EXT1: variants seen among roughly 807,000 people sequenced by gnomAD.
The protein encoded by EXT1 is exostosin glycosyltransferase 1, also known as exostosin-1.
In EXT1, 20 loss-of-function variants were observed where a neutral mutation model predicts 82.5. That is an observed-to-expected ratio of 0.24 (90% CI 0.17 to 0.35). The LOEUF (loss-of-function observed/expected upper bound fraction) is 0.35, where lower values mean the gene tolerates loss of function less well. EXT1 is among the 10% of genes least tolerant of loss of function. The pLI, the probability that EXT1 is intolerant of heterozygous loss-of-function variation, is 1.00. For synonymous variants in EXT1, 348 were observed against 350.8 expected, an observed-to-expected ratio of 0.99 and a Z score of 0.09; for missense variants, 757 against 936.5, an observed-to-expected ratio of 0.81 and a Z score of 2.50.
chr8:117,860,376 G>C (rs1812660753), intron 1 of EXT1, among the ~76,000 whole-genome samples: 1 of 152,120 alleles, frequency 6.6e-6, no homozygotes, highest in Admixed American at 6.5e-5. Context: ...AGGGGGATGA[G>C]AGAAGAAGAA....
rs1259823771 is a variant in EXT1, at chr8:117,804,908, G to C, written c.1884-15C>G. 1.9e-6 allele frequency: 3 copies of C among 1,613,636 alleles called. No individual in the cohort carries two copies. Among genetic ancestry groups the C allele is most frequent in the Non-Finnish European group, 1.7e-6 (2 of 1,179,740 alleles). On this transcript the variant is annotated splice_polypyrimidine_tract_variant and intron_variant, in intron 9 of 10. Transcript: ENST00000378204. Reference sequence around the variant, plus strand: ...AGTGATAATATCTGTAAAAATCAAAGATGGGTTTCACAGGGGGCCATTATC... The same window carrying C: ...AGTGATAATATCTGTAAAAATCAAACATGGGTTTCACAGGGGGCCATTATC...
rs2130038036 is a variant in EXT1, at chr8:118,108,883, T to C, written c.962+1202A>G. Among the ~76,000 whole-genome samples, 3 of 152,300 alleles carry C rather than the reference T, an allele frequency of 2.0e-5. No individual in the cohort carries two copies. The Middle Eastern group carries it at 0.01, about 518-fold the overall frequency. The stretch of plus-strand genomic sequence containing the variant: ...TGCATTTCATGAATCAATTGCAAAA[T>C]CTGCCAACCTCTGCCAGTTCCTCTT... On this transcript the variant is annotated intron_variant, in intron 1 of 10. Transcript: ENST00000378204.
At chr8:117,991,673 G>A (rs112819878) in intron 1 of EXT1, among the ~76,000 whole-genome samples, 91 of 152,008 alleles carry the variant, frequency 6.0e-4, no homozygotes, top group South Asian at 4.6e-3. Flanking sequence ...GTGATTCTCC[G>A]GCCTCAGCCT....
intron 2 of EXT1, among the ~76,000 whole-genome samples, chr8:117,836,877 A>G (rs1439359285): frequency 2.6e-5 from 4 of 152,252 alleles, no homozygotes; most frequent in Admixed American, 2.6e-4. Context: ...GTTTCTAAAC[A>G]TGACCCAGAA....
At chr8:117,884,445 T>C (rs1482386380) in intron 1 of EXT1, among the ~76,000 whole-genome samples, 3 of 152,296 alleles carry the variant, frequency 2.0e-5, no homozygotes, top group East Asian at 1.9e-4. Flanking sequence ...GTGAGCTTTT[T>C]CTTAGATGCA....
intron 1 of EXT1, among the ~76,000 whole-genome samples, chr8:117,898,657 C>T (rs943166600): frequency 3.9e-5 from 6 of 152,040 alleles, no homozygotes; most frequent in South Asian, 2.1e-4. Flanking sequence ...GAGCACAAAA[C>T]GTCCTAAAAA....
intron 1 of EXT1, among the ~76,000 whole-genome samples, chr8:118,076,853 T>C (rs1817221591): frequency 6.6e-6 from 1 of 152,126 alleles, no homozygotes; most frequent in South Asian, 2.1e-4. Flanking sequence ...AGATAGAAAA[T>C]CAAGAATTAT....
chr8:117,896,037 G>T lies in EXT1; in HGVS notation c.963-58836C>A, dbSNP rs545777403. On this transcript the variant is annotated intron_variant, in intron 1 of 10. Coordinates refer to ENST00000378204, the MANE Select transcript of EXT1 (RefSeq NM_000127.3). ...AGTAATGTTGTAAAACGTAGAGAAGGTCATGCATGTATATTTTACCTGGAA... is the reference window on the plus strand; with the variant it reads ...AGTAATGTTGTAAAACGTAGAGAAGTTCATGCATGTATATTTTACCTGGAA... Among the ~76,000 whole-genome samples, 4 of 152,286 alleles carry T rather than the reference G, an allele frequency of 2.6e-5. No homozygotes were observed. In the South Asian group the frequency reaches 6.2e-4, roughly 24 times the overall value.
At chr8:117,934,754 G>A (rs1184517564) in intron 1 of EXT1, among the ~76,000 whole-genome samples, 1 of 152,130 alleles carries the variant, frequency 6.6e-6, no homozygotes, top group Non-Finnish European at 1.5e-5. Flanking sequence ...ACCTGACTCA[G>A]GCACTGCGGT....
At chr8:117,846,498 T>G (rs768798580) in intron 1 of EXT1, among the ~76,000 whole-genome samples, 28 of 152,114 alleles carry the variant, frequency 1.8e-4, no homozygotes, top group Non-Finnish European at 3.2e-4. Flanking sequence ...ATTCTCTGGT[T>G]CAAAACAAAA....
At chr8:118,042,294 TTTTTG>T (rs1347391638) in intron 1 of EXT1, among the ~76,000 whole-genome samples, 1 of 148,132 alleles carries the variant, frequency 6.8e-6, no homozygotes, top group African/African-American at 2.7e-5. Context: ...TTAGTTTTGT[TTTTTG>T]TTTTGTTTTG....
At chr8:118,042,865 T>C (rs1816558108) in intron 1 of EXT1, among the ~76,000 whole-genome samples, 1 of 152,226 alleles carries the variant, frequency 6.6e-6, no homozygotes, top group African/African-American at 2.4e-5. Flanking sequence ...TTTATGTTCA[T>C]TCTGTCATTA....
At chr8:117,914,088 T>C (rs186018509) in intron 1 of EXT1, among the ~76,000 whole-genome samples, 2 of 152,290 alleles carry the variant, frequency 1.3e-5, no homozygotes, top group East Asian at 1.9e-4. Flanking sequence ...TGAACTATAA[T>C]TTATATGGTG....
At chr8:118,008,716 G>T (rs1293308381) in intron 1 of EXT1, among the ~76,000 whole-genome samples, 1 of 151,848 alleles carries the variant, frequency 6.6e-6, no homozygotes, top group Non-Finnish European at 1.5e-5. Flanking sequence ...TGATTACATT[G>T]TTTCTAATCT....
intron 1 of EXT1, among the ~76,000 whole-genome samples, chr8:117,917,127 C>T (rs2130003556): frequency 6.6e-6 from 1 of 152,216 alleles, no homozygotes; most frequent in South Asian, 2.1e-4. Context: ...TAAGCTACCA[C>T]AATGTAAAGA....
intron 1 of EXT1, among the ~76,000 whole-genome samples, chr8:117,980,730 T>G (rs1586322891): frequency 6.9e-6 from 1 of 145,306 alleles, no homozygotes; most frequent in African/African-American, 2.6e-5. Flanking sequence ...TTTTTTTTTT[T>G]TCCAGTGTGA....
intron 1 of EXT1, among the ~76,000 whole-genome samples, chr8:117,880,594 CT>C (rs58814828): frequency 0.019 from 2,661 of 142,438 alleles, 24 homozygotes; most frequent in Non-Finnish European, 0.026. Context: ...CCTCTTTTTT[CT>C]TTTTTTTTTT....
chr8:118,091,823 C>G (rs1477084161), intron 1 of EXT1, among the ~76,000 whole-genome samples: 1 of 152,064 alleles, frequency 6.6e-6, no homozygotes, highest in African/African-American at 2.4e-5. Context: ...CTTACTTTTT[C>G]TATTCAACAT....
intron 1 of EXT1, among the ~76,000 whole-genome samples, chr8:117,916,148 G>C (rs1410314958): frequency 6.6e-6 from 1 of 152,214 alleles, no homozygotes; most frequent in African/African-American, 2.4e-5. Context: ...ATAAATTACA[G>C]TAACTTTACC....
Sources: allele counts gnomAD v4.1 joint callset (sites outside exome capture counted in the v4.1 genomes callset), GRCh38; gene constraint gnomAD v4.1.1; transcripts MANE v1.5; gene names NCBI Gene and HGNC (gene_info 2026-07-23, HGNC 2026-07-21).